DDC: variants seen among roughly 807,000 people sequenced by gnomAD.
DDC encodes the protein aromatic-L-amino-acid decarboxylase.
In DDC, 43 loss-of-function variants were observed where a neutral mutation model predicts 60.0. That is an observed-to-expected ratio of 0.72 (90% CI 0.56 to 0.92). The LOEUF is 0.92. Among genes scored for constraint, DDC ranks in the 40% least tolerant of loss-of-function variants. The pLI, the probability that DDC is intolerant of heterozygous loss-of-function variation, is 0.00. For missense variants in DDC, 573 were observed against 620.2 expected (o/e 0.92, Z 0.81); for synonymous variants, 232 against 234.6 (o/e 0.99, Z 0.10).
chr7:50,551,568 T>C (rs2044996154), intron 1 of DDC, among the ~76,000 whole-genome samples: 1 of 152,164 alleles, frequency 6.6e-6, no homozygotes, highest in Non-Finnish European at 1.5e-5. Flanking sequence ...GAATAGCTTT[T>C]TCGTGTGTTT....
chr7:50,521,382 G>A (rs1197216498), intron 6 of DDC, among the ~76,000 whole-genome samples: 1 of 152,054 alleles, frequency 6.6e-6, no homozygotes, highest in Non-Finnish European at 1.5e-5. Context: ...AAGGAAGTAA[G>A]GATTACTTAC....
intron 6 of DDC, among the ~76,000 whole-genome samples, chr7:50,525,854 G>T (rs2044023654): frequency 6.6e-6 from 1 of 151,752 alleles, no homozygotes; most frequent in South Asian, 2.1e-4. Context: ...TAGCTAAAGA[G>T]ATTAATTGGT....
rs192505915 is a variant in DDC at position 50,555,773 on chromosome 7, G to A, written c.-29+9512C>T. 3.0e-4 allele frequency among the ~76,000 whole-genome samples: 45 copies of A among 152,220 alleles called. 1 individual carries two copies. Among genetic ancestry groups the A allele is most frequent in the African/African-American group, 1.0e-3 (43 of 41,538 alleles). On this transcript the variant is annotated intron_variant, in intron 1 of 14. Transcript: ENST00000444124. ...ACTCCCTTTAACAGATGAGAAGACC[G>A]AGGCGCAGAGAGGCTGCACAACTGA... is the stretch of plus-strand genomic sequence containing the variant.
intron 9 of DDC, among the ~76,000 whole-genome samples, chr7:50,485,589 G>A (rs921682507): frequency 5.9e-5 from 9 of 152,116 alleles, no homozygotes; most frequent in African/African-American, 1.9e-4. Context: ...TCACCACTTA[G>A]GATTTTTTTG....
intron 7 of DDC, among the ~76,000 whole-genome samples, chr7:50,501,016 C>T (rs77631487): frequency 0.085 from 12,976 of 152,262 alleles, 743 homozygotes; most frequent in South Asian, 0.14. Flanking sequence ...CTGCATAGCA[C>T]GGCCCATCTA....
intron 9 of DDC, among the ~76,000 whole-genome samples, chr7:50,487,764 C>T (rs1421273147): frequency 6.6e-6 from 1 of 152,056 alleles, no homozygotes; most frequent in East Asian, 1.9e-4. Flanking sequence ...AATAAGCTGG[C>T]TTTAAAATTA....
chr7:50,508,673 C>T (rs991046849), intron 6 of DDC, among the ~76,000 whole-genome samples: 4 of 152,210 alleles, frequency 2.6e-5, no homozygotes, highest in African/African-American at 2.4e-5. Context: ...AAGGGATCTA[C>T]AGCCCCTTTG....
intron 6 of DDC, among the ~76,000 whole-genome samples, chr7:50,524,528 G>A (rs2043986970): frequency 6.6e-6 from 1 of 152,148 alleles, no homozygotes; most frequent in Admixed American, 6.5e-5. Flanking sequence ...AAAGACACAT[G>A]TCATTGACGA....
At chr7:50,493,983 A>T (rs1005476083) in intron 9 of DDC, among the ~76,000 whole-genome samples, 1 of 152,158 alleles carries the variant, frequency 6.6e-6, no homozygotes, top group African/African-American at 2.4e-5. Context: ...TATTTGGAAA[A>T]TTTTGCAGTT....
chr7:50,502,450 C>G (rs2043281447), intron 7 of DDC, among the ~76,000 whole-genome samples: 1 of 152,200 alleles, frequency 6.6e-6, no homozygotes, highest in Non-Finnish European at 1.5e-5. Context: ...GGAATTACAT[C>G]AGCCAGCTAC....
At chr7:50,533,184 C>T (rs4455783) in intron 4 of DDC, among the ~76,000 whole-genome samples, 144,836 of 152,264 alleles carry the variant, frequency 0.95, 68,976 homozygotes, top group Non-Finnish European at 0.98. Context: ...TCAATTTTGT[C>T]TGTATACATA....
chr7:50,559,887 C>G (rs1481680749), intron 1 of DDC, among the ~76,000 whole-genome samples: 1 of 152,200 alleles, frequency 6.6e-6, no homozygotes, highest in Admixed American at 6.5e-5. Flanking sequence ...CCCAGGCTAT[C>G]TCTTTGAATT....
chr7:50,521,490 T>C (rs2043888699), intron 6 of DDC, among the ~76,000 whole-genome samples: 1 of 152,108 alleles, frequency 6.6e-6, no homozygotes, highest in Non-Finnish European at 1.5e-5. Context: ...ATATCTCTCA[T>C]AAATAGAGAT....
At chr7:50,563,856 C>A (rs2045386435) in intron 1 of DDC, 1 of 152,232 alleles carries the variant, frequency 6.6e-6, no homozygotes, top group South Asian at 2.1e-4. Context: ...CCCGCCTTAG[C>A]CTCCCCAAAT....
chr7:50,520,111 C>T (rs1300536865), intron 6 of DDC, among the ~76,000 whole-genome samples: 2 of 152,106 alleles, frequency 1.3e-5, no homozygotes, highest in Non-Finnish European at 2.9e-5. Context: ...CAGAAATGGA[C>T]AGGTCCAGCA....
chr7:50,474,799 C>CT (rs2042606335), intron 11 of DDC, among the ~76,000 whole-genome samples: 3 of 152,052 alleles, frequency 2.0e-5, no homozygotes, highest in African/African-American at 7.2e-5. Flanking sequence ...GGTGTTGTGC[C>CT]TTTTTTTCTA....
intron 4 of DDC, among the ~76,000 whole-genome samples, chr7:50,534,219 C>T (rs1013998972): frequency 2.0e-5 from 3 of 152,216 alleles, no homozygotes; most frequent in Admixed American, 1.3e-4. Context: ...GGTTATAGAA[C>T]AGCTGCCTTC....
chr7:50,544,796 T>C (rs992836704), intron 1 of DDC, among the ~76,000 whole-genome samples: 1 of 152,250 alleles, frequency 6.6e-6, no homozygotes, highest in South Asian at 2.1e-4. Flanking sequence ...TAGTGAATAC[T>C]GAACCATTTC....
At chr7:50,563,901 C>T (rs1781922290) in intron 1 of DDC, 1 of 152,174 alleles carries the variant, frequency 6.6e-6, no homozygotes, top group African/African-American at 2.4e-5. Flanking sequence ...AGCACCCAGC[C>T]CTCATTTTAT....
Sources: allele counts gnomAD v4.1 joint callset (sites outside exome capture counted in the v4.1 genomes callset), GRCh38; gene constraint gnomAD v4.1.1; transcripts MANE v1.5; gene names NCBI Gene and HGNC (gene_info 2026-07-23, HGNC 2026-07-21).